PRKCE: variants seen among roughly 807,000 people sequenced by gnomAD.
PRKCE encodes protein kinase C epsilon, also known as protein kinase C epsilon type.
Under a neutral mutation model 85.4 loss-of-function variants are expected in PRKCE, and 16 were observed. The observed-to-expected ratio is 0.19, with a 90% confidence interval of 0.13 to 0.28. The LOEUF (loss-of-function observed/expected upper bound fraction) is 0.28. PRKCE is among the 10% of genes least tolerant of loss of function. The probability of loss-of-function intolerance (pLI) is 1.00; values close to 1 mark genes in which losing one functional copy is unlikely to be tolerated. For synonymous variants in PRKCE, 388 were observed against 371.5 expected (o/e 1.04, Z -0.51); for missense variants, 573 against 975.2 (o/e 0.59, Z 5.49).
intron 10 of PRKCE, among the ~76,000 whole-genome samples, chr2:46,021,573 C>G (rs959687888): frequency 6.6e-6 from 1 of 152,020 alleles, no homozygotes; most frequent in African/African-American, 2.4e-5. Flanking sequence ...ATTGTGTAGC[C>G]CCTTACCGAT....
chr2:45,706,762 T>A (rs1226698678), intron 1 of PRKCE, among the ~76,000 whole-genome samples: 2 of 152,224 alleles, frequency 1.3e-5, no homozygotes, highest in African/African-American at 4.8e-5. Context: ...TAAGAGAATC[T>A]AAGAATACTG....
intron 1 of PRKCE, among the ~76,000 whole-genome samples, chr2:45,710,213 A>G (rs1170104068): frequency 6.6e-6 from 1 of 152,230 alleles, no homozygotes; most frequent in East Asian, 1.9e-4. Context: ...TGTAGGTACT[A>G]TCACTATCCT....
At chr2:45,773,331 A>C (rs1685491611) in intron 1 of PRKCE, among the ~76,000 whole-genome samples, 1 of 152,150 alleles carries the variant, frequency 6.6e-6, no homozygotes, top group Non-Finnish European at 1.5e-5. Flanking sequence ...CATTGAGTGG[A>C]GATGATGATG....
chr2:45,780,931 C>T (rs1181639933), intron 1 of PRKCE, among the ~76,000 whole-genome samples: 1 of 152,246 alleles, frequency 6.6e-6, no homozygotes, highest in Non-Finnish European at 1.5e-5. Flanking sequence ...ACTGTCTCAG[C>T]TCAGAGCCAG....
intron 1 of PRKCE, among the ~76,000 whole-genome samples, chr2:45,682,430 T>G (rs1676975206): frequency 6.6e-6 from 1 of 151,654 alleles, no homozygotes; most frequent in African/African-American, 2.4e-5. Flanking sequence ...TATTTTTTAT[T>G]TATTTATTTT....
chr2:45,889,237 A>C (rs1695530476), intron 2 of PRKCE, among the ~76,000 whole-genome samples: 1 of 152,138 alleles, frequency 6.6e-6, no homozygotes, highest in Non-Finnish European at 1.5e-5. Context: ...TGACAGCTGC[A>C]GTGGTACCAC....
At chr2:45,807,754 G>C (rs1283197522) in intron 1 of PRKCE, among the ~76,000 whole-genome samples, 2 of 151,976 alleles carry the variant, frequency 1.3e-5, no homozygotes, top group African/African-American at 4.8e-5. Context: ...CCCCATCTCA[G>C]ACCTCCTGAG....
intron 1 of PRKCE, among the ~76,000 whole-genome samples, chr2:45,792,791 G>A (rs1421377539): frequency 6.6e-6 from 1 of 152,114 alleles, no homozygotes; most frequent in Non-Finnish European, 1.5e-5. Context: ...AATGGTAGGT[G>A]GTATAATTAA....
chr2:45,972,930 A>C (rs989299203), intron 2 of PRKCE, among the ~76,000 whole-genome samples: 1 of 152,260 alleles, frequency 6.6e-6, no homozygotes, highest in African/African-American at 2.4e-5. Context: ...GGAACCATGA[A>C]AGACTGAACA....
intron 2 of PRKCE, among the ~76,000 whole-genome samples, chr2:45,932,300 T>G (rs1699105072): frequency 6.6e-6 from 1 of 151,470 alleles, no homozygotes; most frequent in Admixed American, 6.6e-5. Flanking sequence ...TGGGAATATA[T>G]CCGTTCTATA....
In PRKCE at chr2:46,159,328, T is replaced by C. The variant is rs1057137617; in HGVS notation, c.1921-278T>C. On this transcript the variant is annotated intron_variant, in intron 13 of 14. Coordinates refer to ENST00000306156, the MANE Select transcript of PRKCE (RefSeq NM_005400.3). The surrounding 1 kb of genome is among the most constrained non-coding windows in gnomAD (Gnocchi z 4.1). ...AAATTAGCTGACCTCTGTGTGCTTC[T>C]AGTGCCTCGTTTATAATATAGAGAC... Among the ~76,000 whole-genome samples, 10 of 152,254 alleles carry C rather than the reference T, an allele frequency of 6.6e-5. No homozygotes were observed. Among genetic ancestry groups the C allele is most frequent in the African/African-American group, 2.4e-4 (10 of 41,472 alleles).
At chr2:45,882,708 A>G (rs962450437) in intron 2 of PRKCE, among the ~76,000 whole-genome samples, 1 of 152,242 alleles carries the variant, frequency 6.6e-6, no homozygotes, top group Admixed American at 6.5e-5. Flanking sequence ...GAAGAGAAAG[A>G]CGGAGAAGAC....
Position 45,956,796 on chromosome 2 carries a change from A to G in PRKCE, c.413-19633A>G, listed in dbSNP as rs77721020. ...ATGCTGAAATTGCATGTTCACCAGC[A>G]CTTCATATTTTCAGGTTTTATTTTA... On this transcript the variant is annotated intron_variant, in intron 2 of 14. Coordinates refer to ENST00000306156, the MANE Select transcript of PRKCE (RefSeq NM_005400.3). Among the ~76,000 whole-genome samples, 896 of 152,330 alleles carry G rather than the reference A, an allele frequency of 5.9e-3. 9 individuals are homozygous for G. Among genetic ancestry groups the G allele is most frequent in the African/African-American group, 0.02 (849 of 41,580 alleles).
chr2:45,826,334 C>G (rs778764184), intron 1 of PRKCE, among the ~76,000 whole-genome samples: 1 of 152,208 alleles, frequency 6.6e-6, no homozygotes, highest in African/African-American at 2.4e-5. Flanking sequence ...GACATTCCCA[C>G]TAGATTCTGG....
At chr2:45,829,839 C>T (rs903098976) in intron 1 of PRKCE, among the ~76,000 whole-genome samples, 13 of 151,846 alleles carry the variant, frequency 8.6e-5, no homozygotes, top group East Asian at 1.9e-4. Context: ...TTTGGGAGGC[C>T]GAGGCGGGCG....
chr2:45,739,887 T>C (rs1193533851), intron 1 of PRKCE, among the ~76,000 whole-genome samples: 1 of 152,198 alleles, frequency 6.6e-6, no homozygotes, highest in Non-Finnish European at 1.5e-5. Flanking sequence ...TAAATCCTCT[T>C]TAGGCCTGTT....
At chr2:46,137,950 C>T (rs1558493458) in intron 11 of PRKCE, among the ~76,000 whole-genome samples, 1 of 152,206 alleles carries the variant, frequency 6.6e-6, no homozygotes. Flanking sequence ...TTTGTACTCA[C>T]TGATGCTTTT....
intron 10 of PRKCE, among the ~76,000 whole-genome samples, chr2:46,027,980 G>T (rs186518497): frequency 2.3e-3 from 349 of 151,240 alleles, no homozygotes; most frequent in African/African-American, 8.0e-3. Context: ...CGGGCTCTGT[G>T]GCCCAGACTG....
chr2:45,816,330 C>T (rs1689038256), intron 1 of PRKCE, among the ~76,000 whole-genome samples: 1 of 152,058 alleles, frequency 6.6e-6, no homozygotes, highest in Non-Finnish European at 1.5e-5. Flanking sequence ...GTTCACTACC[C>T]CCTGGAGTGT....
Sources: gnomAD v4.1 joint callset for allele counts (sites outside exome capture counted in the v4.1 genomes callset) on GRCh38, gnomAD v4.1.1 for gene constraint, Gnocchi (gnomAD v3.1) non-coding constraint, MANE v1.5 for transcripts, NCBI Gene and HGNC (gene_info 2026-07-23, HGNC 2026-07-21) for gene names.